AMMECR1L: variants seen among roughly 807,000 people sequenced by gnomAD.
AMMECR1L encodes AMMECR1 like.
In AMMECR1L, 4 loss-of-function variants were observed where a neutral mutation model predicts 36.8. That is an observed-to-expected ratio of 0.11 (90% CI 0.05 to 0.25). AMMECR1L has a LOEUF of 0.25. Ranked by LOEUF, AMMECR1L falls within the 10% of genes least tolerant of loss-of-function variation. The probability of loss-of-function intolerance (pLI) is 1.00; values close to 1 mark genes in which losing one functional copy is unlikely to be tolerated. For synonymous variants in AMMECR1L, 147 were observed against 148.0 expected (o/e 0.99, Z 0.05); for missense variants, 232 against 392.1 (o/e 0.59, Z 3.45).
chr2:127,878,517 A>G (rs1450651696), intron 2 of AMMECR1L, among the ~76,000 whole-genome samples: 1 of 150,970 alleles, frequency 6.6e-6, no homozygotes, highest in Admixed American at 6.6e-5. Flanking sequence ...AGAGGCAACA[A>G]CTCAGACATT....
intron 6 of AMMECR1L, 185 bp from the exon 7 acceptor site, chr2:127,867,181 C>CTT: frequency 1.0e-6 from 1 of 985,500 alleles, no homozygotes; most frequent in Non-Finnish European, 1.2e-6. Context: ...CGTGGAGACT[C>CTT]TGAGACATGA....
chr2:127,870,953 T>C, intron 4 of AMMECR1L, 25 bp from the exon 5 acceptor site: 2 of 1,574,796 alleles, frequency 1.3e-6, no homozygotes, highest in Non-Finnish European at 1.7e-6. Flanking sequence ...AAAACATAGG[T>C]AAGGCTGCTC....
intron 2 of AMMECR1L, among the ~76,000 whole-genome samples, chr2:127,875,171 T>C (rs1281984077): frequency 6.6e-6 from 1 of 152,042 alleles, no homozygotes; most frequent in Non-Finnish European, 1.5e-5. Context: ...TTTTTAATTG[T>C]TTTTTTCTTT....
At chr2:127,885,646 T>G in intron 1 of AMMECR1L, 164 bp downstream of exon 1, 1 of 981,156 alleles carries the variant, frequency 1.0e-6, no homozygotes, top group Non-Finnish European at 1.2e-6. Context: ...CCGGGACTCC[T>G]CCCCCCCGCT....
At chr2:127,879,426 G>A (rs756421441) in intron 2 of AMMECR1L, among the ~76,000 whole-genome samples, 1 of 152,080 alleles carries the variant, frequency 6.6e-6, no homozygotes, top group Non-Finnish European at 1.5e-5. Flanking sequence ...TTTGCCTTCC[G>A]CCATGAGTAA....
rs1433620436 is a variant in AMMECR1L at position 127,874,620 on chromosome 2, C to CTCA, written c.-38-351_-38-349dup. ...GGAGGGCTGCGCACGACCTGTCAGA[C>CTCA]TCATCATCATGATGTCTCTACCTTT... On this transcript the variant is annotated intron_variant, in intron 2 of 7. Transcript: ENST00000272647. This position sits in a 1 kb window ranked among gnomAD's most constrained non-coding sequence, Gnocchi z 5.2. Among the ~76,000 whole-genome samples the CTCA allele has an allele frequency of 6.6e-6, 1 of 152,172 alleles. No homozygotes were observed. Among genetic ancestry groups the CTCA allele is most frequent in the Non-Finnish European group, 1.5e-5 (1 of 68,034 alleles).
rs1691145301 is a variant in AMMECR1L, at chr2:127,874,708, T to A, written c.-38-436A>T. Among the ~76,000 whole-genome samples, 1 of 152,262 alleles carries A rather than the reference T, an allele frequency of 6.6e-6. No individual in the cohort carries two copies. Among genetic ancestry groups the A allele is most frequent in the South Asian group, 2.1e-4 (1 of 4,832 alleles). The stretch of plus-strand genomic sequence containing the variant: ...AACTCCAGAGGAACTTTCATGATTT[T>A]CCTTGTTAACCACATCCTTCTGTAT... On this transcript the variant is annotated intron_variant, in intron 2 of 7. Transcript: ENST00000272647. This position sits in a 1 kb window ranked among gnomAD's most constrained non-coding sequence, Gnocchi z 5.2.
At position 127,870,279 on chromosome 2, in the gene AMMECR1L, A is replaced by C. The variant is rs1235243131; in HGVS notation, c.633+535T>G. On this transcript the variant is annotated intron_variant, in intron 5 of 7. Transcript: ENST00000272647. ...CAGTGAGCTGAGATTGCACCACTGC[A>C]CTCCAGCCTGGCGACAGAGCGAGAC... Among the ~76,000 whole-genome samples the C allele has an allele frequency of 3.6e-4, 53 of 148,220 alleles. No homozygotes were observed. The Admixed American group carries it at 3.6e-3, about 10-fold the overall frequency.
chr2:127,883,336 C>G (rs533346017), intron 2 of AMMECR1L, among the ~76,000 whole-genome samples: 7 of 152,136 alleles, frequency 4.6e-5, no homozygotes, highest in Non-Finnish European at 7.4e-5. Flanking sequence ...ACCTCGTTAT[C>G]CACCTGCCTC....
intron 1 of AMMECR1L, chr2:127,885,238 C>A (rs1279754266): frequency 1.0e-6 from 1 of 984,596 alleles, no homozygotes; most frequent in Non-Finnish European, 1.2e-6. Context: ...GTTAAGAAAA[C>A]GACAGGACAG....
Position 127,864,275 on chromosome 2 carries a change from C to G in AMMECR1L, c.*819G>C, listed in dbSNP as rs1480289674. ...GGTAGCCAGGCGGTGCAGAAGAGGT[C>G]TCTCCTCTCACACCTGCGTGCAGTG... On this transcript the variant is annotated 3_prime_UTR_variant, in exon 8 of 8. Transcript: ENST00000272647. The G allele has an allele frequency of 6.5e-6, 1 of 152,704 alleles. No individual in the cohort carries two copies. Among genetic ancestry groups the G allele is most frequent in the African/African-American group, 2.4e-5 (1 of 41,456 alleles). The allele number at this position is 152,704 out of a possible 1,614,324, so 9.5% of individuals were successfully genotyped here. A position where few individuals can be genotyped will look rare whatever the true frequency, so the allele number is the denominator to read the frequency against.
intron 2 of AMMECR1L, among the ~76,000 whole-genome samples, chr2:127,883,388 C>T (rs981813651): frequency 5.9e-5 from 9 of 152,166 alleles, no homozygotes; most frequent in African/African-American, 2.2e-4. Flanking sequence ...AGCCACTGCG[C>T]CTGGCCAGAA....
In AMMECR1L at chr2:127,871,743, CATG is replaced by C. The variant is rs550368548; in HGVS notation, c.408-387_408-385del. ...AGCCATGCTCCCCCGCTCCGTCTTT[CATG>C]ATGACACGCCTCACCTGCACAGCCC... On this transcript the variant is annotated intron_variant, in intron 3 of 7. Coordinates refer to ENST00000272647, the MANE Select transcript of AMMECR1L (RefSeq NM_001199140.2). This position sits in a 1 kb window ranked among gnomAD's most constrained non-coding sequence, Gnocchi z 4.3. Among the ~76,000 whole-genome samples, 11 of 152,276 alleles carry C rather than the reference CATG, an allele frequency of 7.2e-5. No homozygotes were observed. In the South Asian group the frequency reaches 1.7e-3, roughly 23 times the overall value.
Position 127,872,119 on chromosome 2 carries a change from G to A in AMMECR1L, c.408-760C>T, listed in dbSNP as rs140751604. On this transcript the variant is annotated intron_variant, in intron 3 of 7. Transcript: ENST00000272647. ...TGGGAGAATCACTTGATCCTGAAAG[G>A]CAGAGGTTGCAGTGAACCGAGATTG... Among the ~76,000 whole-genome samples, 201 of 148,602 alleles carry A rather than the reference G, an allele frequency of 1.4e-3. 5 individuals carry two copies. In the East Asian group the frequency reaches 0.033, roughly 25 times the overall value.
intron 2 of AMMECR1L, among the ~76,000 whole-genome samples, chr2:127,880,724 C>T (rs933465257): frequency 6.6e-6 from 1 of 151,918 alleles, no homozygotes; most frequent in African/African-American, 2.4e-5. Flanking sequence ...GGCCGCAGGG[C>T]ATCTGTTTCA....
intron 2 of AMMECR1L, among the ~76,000 whole-genome samples, chr2:127,876,545 T>C (rs1241356761): frequency 6.6e-6 from 1 of 152,124 alleles, no homozygotes; most frequent in Non-Finnish European, 1.5e-5. Flanking sequence ...CTGTCTTATT[T>C]GGACTGTTGA....
At chr2:127,879,249 G>A (rs927246761) in intron 2 of AMMECR1L, among the ~76,000 whole-genome samples, 4 of 152,184 alleles carry the variant, frequency 2.6e-5, no homozygotes, top group Non-Finnish European at 5.9e-5. Flanking sequence ...ACTGGATCAC[G>A]GGGGTGGATT....
rs148888250 is a variant in AMMECR1L at position 127,868,650 on chromosome 2, A to G, written c.724+804T>C. Among the ~76,000 whole-genome samples, 190 of 152,320 alleles carry G rather than the reference A, an allele frequency of 1.2e-3. 2 individuals carry two copies. In the Middle Eastern group the frequency reaches 0.027, roughly 22 times the overall value. On this transcript the variant is annotated intron_variant, in intron 6 of 7. Transcript: ENST00000272647. ...AAGCAACATGTAAAGGTACCCTTCT[A>G]GATATTCTTTTAAAGACAAAATCTG...
chr2:127,882,875 C>G (rs1315997574), intron 2 of AMMECR1L, among the ~76,000 whole-genome samples: 2 of 150,648 alleles, frequency 1.3e-5, no homozygotes, highest in Non-Finnish European at 3.0e-5. Flanking sequence ...TTGGGATTTA[C>G]ACAGGCATGA....
Sources: allele counts gnomAD v4.1 joint callset (sites outside exome capture counted in the v4.1 genomes callset), GRCh38; gene constraint gnomAD v4.1.1; non-coding constraint Gnocchi (gnomAD v3.1); transcripts MANE v1.5; gene names NCBI Gene and HGNC (gene_info 2026-07-23, HGNC 2026-07-21).